The following LRRK1 variants were observed in gnomAD, a reference collection of about 807,000 sequenced individuals.
LRRK1 encodes the protein leucine rich repeat kinase 1.
In LRRK1, 113 loss-of-function variants were observed where a neutral mutation model predicts 209.1. The ratio of observed to expected loss-of-function variants is 0.54; its 90% confidence interval spans 0.46 to 0.63. LRRK1 has a LOEUF of 0.63. Among genes scored for constraint, LRRK1 ranks in the 30% least tolerant of loss-of-function variants. LRRK1 has a pLI of 0.00. For missense variants in LRRK1, 2,284 were observed against 2,632.2 expected (o/e 0.87, Z 2.89); for synonymous variants, 1,144 against 1,099.7 (o/e 1.04, Z -0.80).
chr15:100,992,179 A>G (rs1345782135), intron 6 of LRRK1, among the ~76,000 whole-genome samples: 4 of 152,178 alleles, frequency 2.6e-5, no homozygotes, highest in Non-Finnish European at 4.4e-5. Context: ...TGCTAGCTTT[A>G]CAAAATAACA....
Position 101,057,041 on chromosome 15 carries a change from G to A in LRRK1, c.4518G>A (p.Lys1506=), listed in dbSNP as rs368184596. The A allele has an allele frequency of 2.4e-5, 39 of 1,606,674 alleles. No homozygotes were observed. Among genetic ancestry groups the A allele is most frequent in the Non-Finnish European group, 3.3e-5 (39 of 1,176,170 alleles). The stretch of plus-strand genomic sequence containing the variant: ...TCATGATGGAGTGCTGGGACACTAA[G>A]CCAGAGAAGGTACTTGGGGACACAG... ...QALMMECWDT[K]PEKRPLALSV... The change falls in exon 28 of 34, where the codon AAG becomes AAA. Residue 1506 remains lysine, a synonymous_variant. Transcript: ENST00000388948.
chr15:101,046,611 T>A (rs962004750), intron 21 of LRRK1, among the ~76,000 whole-genome samples: 1 of 152,238 alleles, frequency 6.6e-6, no homozygotes, highest in African/African-American at 2.4e-5. Flanking sequence ...TAGACTCGCC[T>A]GGAGGAAATT....
intron 23 of LRRK1, 121 bp downstream of exon 23, chr15:101,049,904 G>T (rs928596333): frequency 2.7e-6 from 3 of 1,119,018 alleles, no homozygotes; most frequent in African/African-American, 3.1e-5. Context: ...GAAAACTAGG[G>T]GGTCTTAACA....
rs1277219762 is a variant in LRRK1 at position 101,062,749 on chromosome 15, C to T, written c.4914+59C>T. Reference sequence around the variant, plus strand: ...CTGATGCACTTCCACGCCTAGGAGGCGTCTCCTAGCTATGTCAGGGTGGCG... The same window carrying T: ...CTGATGCACTTCCACGCCTAGGAGGTGTCTCCTAGCTATGTCAGGGTGGCG... On this transcript the variant is annotated intron_variant, in intron 31 of 33. Transcript: ENST00000388948. 22 of 1,246,850 alleles carry T rather than the reference C, an allele frequency of 1.8e-5. No homozygotes were observed. In the Admixed American group the frequency reaches 2.2e-4, roughly 12 times the overall value. The allele number at this position is 1,246,850 out of a possible 1,614,324, so 77.2% of individuals were successfully genotyped here. A position where few individuals can be genotyped will look rare whatever the true frequency, so the allele number is the denominator to read the frequency against.
chr15:101,054,915 G>C (rs780988935), intron 26 of LRRK1, 31 bp from the exon 27 acceptor site: 8 of 1,541,738 alleles, frequency 5.2e-6, no homozygotes, highest in Non-Finnish European at 7.0e-6. Flanking sequence ...CTGAAATTTT[G>C]ATACATTTGA....
At chr15:100,927,241 C>A (rs1462749121) in intron 2 of LRRK1, among the ~76,000 whole-genome samples, 1 of 152,192 alleles carries the variant, frequency 6.6e-6, no homozygotes, top group Non-Finnish European at 1.5e-5. Context: ...GGGCTTTGGA[C>A]AAACCCATCC....
At chr15:100,966,828 A>G (rs183963721) in intron 2 of LRRK1, among the ~76,000 whole-genome samples, 74 of 152,356 alleles carry the variant, frequency 4.9e-4, no homozygotes, top group Non-Finnish European at 8.8e-4. Flanking sequence ...TTTACTCCAC[A>G]CACAAGGCAT....
intron 20 of LRRK1, 97 bp downstream of exon 20, chr15:101,029,329 G>A: frequency 8.0e-7 from 1 of 1,252,786 alleles, no homozygotes; most frequent in Non-Finnish European, 1.1e-6. Context: ...AGATTTCCAG[G>A]GATCAGTGCT....
At chr15:101,061,023 A>G (rs936031350) in intron 29 of LRRK1, 148 bp from the exon 30 acceptor site, 2 of 671,286 alleles carry the variant, frequency 3.0e-6, no homozygotes, top group African/African-American at 3.6e-5. Context: ...TTCGGGCAGA[A>G]CCCGGCTCTG....
chr15:101,068,947 C>T lies in LRRK1; in HGVS notation c.*99C>T, dbSNP rs2141169083. ...TCTAGTTCTCCAAGGACCTAGAAGA[C>T]AGATGGAGTTCTCCCCTGAACTCCT... On this transcript the variant is annotated 3_prime_UTR_variant, in exon 34 of 34. Coordinates refer to ENST00000388948, the MANE Select transcript of LRRK1 (RefSeq NM_024652.6). The T allele has an allele frequency of 8.2e-7, 1 of 1,214,498 alleles. No homozygotes were observed. The highest frequency in any genetic ancestry group is 2.6e-5 in the East Asian group (1 of 38,818). The allele number at this position is 1,214,498 out of a possible 1,614,324, so 75.2% of individuals were successfully genotyped here.
rs571795110 is a variant in LRRK1 at position 101,027,445 on chromosome 15, T to A, written c.2526+64T>A. ...GCTTCCCATTGTTGGGGGTCCTCAC[T>A]TCCCCCTCTCTCCTGTGAAGCCCAT... is the stretch of plus-strand genomic sequence containing the variant. On this transcript the variant is annotated intron_variant, in intron 18 of 33. Transcript: ENST00000388948. This position sits in a 1 kb window ranked among gnomAD's most constrained non-coding sequence, Gnocchi z 5.1. 1.1e-3 allele frequency: 1,727 copies of A among 1,580,868 alleles called. 5 individuals carry two copies. The highest frequency in any genetic ancestry group is 1.4e-3 in the Non-Finnish European group (1,597 of 1,163,140).
chr15:100,969,001 C>T (rs28855785), intron 2 of LRRK1, among the ~76,000 whole-genome samples: 4,200 of 152,086 alleles, frequency 0.028, 152 homozygotes, highest in African/African-American at 0.079. Flanking sequence ...CCACCATGCC[C>T]GGCTAATTTT....
intron 6 of LRRK1, among the ~76,000 whole-genome samples, chr15:101,006,761 A>C (rs1053727361): frequency 6.6e-6 from 1 of 152,250 alleles, no homozygotes; most frequent in Admixed American, 6.5e-5. Context: ...AAAGAGGGGC[A>C]AAAGCCTATG....
chr15:101,066,547 C>T, intron 32 of LRRK1, 93 bp from the exon 33 acceptor site: 2 of 1,137,614 alleles, frequency 1.8e-6, no homozygotes, highest in South Asian at 1.3e-5. Flanking sequence ...ATGTCTGTTG[C>T]CTCCCTCCCG....
chr15:100,922,617 C>G (rs969736949), intron 1 of LRRK1, among the ~76,000 whole-genome samples: 1 of 152,112 alleles, frequency 6.6e-6, no homozygotes, highest in Non-Finnish European at 1.5e-5. Flanking sequence ...AATGTGTGAT[C>G]GGAACGTTTA....
At chr15:100,995,436 T>A (rs74835086) in intron 6 of LRRK1, among the ~76,000 whole-genome samples, 7,031 of 152,190 alleles carry the variant, frequency 0.046, 209 homozygotes, top group Middle Eastern at 0.075. Context: ...GAGGCCACAC[T>A]GTATGGTCTG....
At chr15:100,999,418 C>G (rs1419941242) in intron 6 of LRRK1, among the ~76,000 whole-genome samples, 1 of 152,174 alleles carries the variant, frequency 6.6e-6, no homozygotes. Context: ...CTGTGCTCCT[C>G]CCTAAATTAC....
At chr15:101,038,824 T>C (rs1489424260) in intron 20 of LRRK1, among the ~76,000 whole-genome samples, 3 of 152,226 alleles carry the variant, frequency 2.0e-5, no homozygotes, top group Admixed American at 6.5e-5. Context: ...CATGGCACCC[T>C]GCGCCAGTGG....
intron 2 of LRRK1, among the ~76,000 whole-genome samples, chr15:100,932,434 C>T (rs897485722): frequency 6.6e-6 from 1 of 152,240 alleles, no homozygotes; most frequent in African/African-American, 2.4e-5. Context: ...ATATGCACCA[C>T]ATCTGGTGTG....
Sources: allele counts gnomAD v4.1 joint callset (sites outside exome capture counted in the v4.1 genomes callset), GRCh38; gene constraint gnomAD v4.1.1; non-coding constraint Gnocchi (gnomAD v3.1); transcripts MANE v1.5; gene names NCBI Gene and HGNC (gene_info 2026-07-23, HGNC 2026-07-21).